CNTN4: variants seen among roughly 807,000 people sequenced by gnomAD.
The protein encoded by CNTN4 is contactin 4.
CNTN4 carries 77 observed loss-of-function variants against 122.5 expected under a neutral mutation model. The ratio of observed to expected loss-of-function variants is 0.63; its 90% confidence interval spans 0.52 to 0.76. The LOEUF (loss-of-function observed/expected upper bound fraction) is 0.76, where lower values mean the gene tolerates loss of function less well. Among genes scored for constraint, CNTN4 ranks in the 30% least tolerant of loss-of-function variants. The probability of loss-of-function intolerance (pLI) is 0.00; values close to 1 mark genes in which losing one functional copy is unlikely to be tolerated. For synonymous variants in CNTN4, 512 were observed against 447.0 expected (o/e 1.15, Z -1.83); for missense variants, 1,256 against 1,259.1 (o/e 1.00, Z 0.04).
intron 13 of CNTN4, among the ~76,000 whole-genome samples, chr3:2,932,618 C>A (rs899875980): frequency 2.0e-5 from 3 of 151,996 alleles, no homozygotes; most frequent in African/African-American, 7.2e-5. Flanking sequence ...AAGTCTTAAT[C>A]GGTAGAGGTT....
chr3:2,406,126 C>CA (rs943170896), intron 3 of CNTN4, among the ~76,000 whole-genome samples: 1 of 151,482 alleles, frequency 6.6e-6, no homozygotes, highest in Non-Finnish European at 1.5e-5. Flanking sequence ...GATGAAAGTT[C>CA]AAAAAAAACA....
At chr3:2,523,371 AAC>A (rs71863552) in intron 3 of CNTN4, among the ~76,000 whole-genome samples, 26,759 of 150,412 alleles carry the variant, frequency 0.18, 2,832 homozygotes, top group Middle Eastern at 0.25. Flanking sequence ...AAAAAAAAAA[AAC>A]AAAACTTTTT....
At chr3:2,559,806 T>C (rs1277913183) in intron 3 of CNTN4, among the ~76,000 whole-genome samples, 1 of 152,184 alleles carries the variant, frequency 6.6e-6, no homozygotes, top group Non-Finnish European at 1.5e-5. Flanking sequence ...ATGATGATAC[T>C]GAGGTGTACT....
At chr3:2,173,969 G>A (rs1398634058) in intron 2 of CNTN4, among the ~76,000 whole-genome samples, 1 of 152,146 alleles carries the variant, frequency 6.6e-6, no homozygotes, top group African/African-American at 2.4e-5. Context: ...CAGGCTGTGA[G>A]AGTCAACTAG....
At chr3:2,520,931 C>G (rs2077189179) in intron 3 of CNTN4, among the ~76,000 whole-genome samples, 1 of 152,026 alleles carries the variant, frequency 6.6e-6, no homozygotes. Flanking sequence ...TTCTAGAGTT[C>G]AGAGATAGAA....
intron 12 of CNTN4, among the ~76,000 whole-genome samples, chr3:2,924,581 G>A (rs190082477): frequency 4.2e-4 from 64 of 152,170 alleles, no homozygotes; most frequent in Non-Finnish European, 7.5e-4. Context: ...ACTTTTGTGC[G>A]AATACAAATA....
chr3:2,911,235 A>G (rs2094296140), intron 12 of CNTN4, among the ~76,000 whole-genome samples: 1 of 152,152 alleles, frequency 6.6e-6, no homozygotes, highest in Non-Finnish European at 1.5e-5. Context: ...ATCAGGCTGT[A>G]CCACAGACAC....
At chr3:2,136,625 C>T (rs779947321) in intron 2 of CNTN4, among the ~76,000 whole-genome samples, 11 of 151,138 alleles carry the variant, frequency 7.3e-5, no homozygotes, top group Non-Finnish European at 1.3e-4. Flanking sequence ...TGAGAAGCGA[C>T]GTGGTAATTG....
intron 13 of CNTN4, among the ~76,000 whole-genome samples, chr3:2,974,601 A>C (rs934461832): frequency 1.3e-5 from 2 of 152,172 alleles, no homozygotes; most frequent in African/African-American, 4.8e-5. Flanking sequence ...TAGTACATCA[A>C]TGTGGCCGAA....
At chr3:3,051,700 C>T (rs543781166) in intron 23 of CNTN4, among the ~76,000 whole-genome samples, 1 of 152,256 alleles carries the variant, frequency 6.6e-6, no homozygotes, top group African/African-American at 2.4e-5. Context: ...ATCTTTCTAC[C>T]TTAAGGAAAT....
At chr3:2,344,482 G>A (rs1025677380) in intron 3 of CNTN4, among the ~76,000 whole-genome samples, 3 of 151,956 alleles carry the variant, frequency 2.0e-5, no homozygotes, top group African/African-American at 7.3e-5. Context: ...GTTTCACTAT[G>A]TTGGCCAGGC....
intron 4 of CNTN4, among the ~76,000 whole-genome samples, chr3:2,726,654 G>A (rs1479573919): frequency 6.6e-6 from 1 of 152,168 alleles, no homozygotes; most frequent in African/African-American, 2.4e-5. Context: ...ATTCTCATGA[G>A]TAAACAGTAA....
chr3:2,265,068 G>GC (rs1170221191), intron 2 of CNTN4, among the ~76,000 whole-genome samples: 3 of 151,852 alleles, frequency 2.0e-5, no homozygotes, highest in Non-Finnish European at 4.4e-5. Flanking sequence ...ATGCCTTTGC[G>GC]CCCCCATAGC....
At chr3:2,378,931 A>G (rs1052234587) in intron 3 of CNTN4, among the ~76,000 whole-genome samples, 1 of 152,180 alleles carries the variant, frequency 6.6e-6, no homozygotes, top group Non-Finnish European at 1.5e-5. Context: ...AGAGGATTAT[A>G]CCATAGTTTC....
chr3:2,834,774 T>A (rs562899333), intron 7 of CNTN4, among the ~76,000 whole-genome samples: 1 of 151,290 alleles, frequency 6.6e-6, no homozygotes, highest in African/African-American at 2.4e-5. Flanking sequence ...CAAAATGCAA[T>A]GATACAAAAT....
At position 2,243,531 on chromosome 3, in the gene CNTN4, CA is replaced by C. The variant is rs201921756; in HGVS notation, c.-144-95646del. ...ATTGTTTTGTGATTTTTTTTTAGCT[CA>C]CCAGCTATCATTAGTGTATTTTATG... On this transcript the variant is annotated intron_variant, in intron 2 of 24. Transcript: ENST00000418658. 4.3e-4 allele frequency among the ~76,000 whole-genome samples: 65 copies of C among 151,890 alleles called. No individual in the cohort carries two copies. The East Asian group carries it at 0.011, about 26-fold the overall frequency.
chr3:2,727,603 A>C (rs1343394213), intron 4 of CNTN4, among the ~76,000 whole-genome samples: 1 of 152,174 alleles, frequency 6.6e-6, no homozygotes, highest in Non-Finnish European at 1.5e-5. Flanking sequence ...AGCAATGCAC[A>C]ATTTTTCCCC....
intron 3 of CNTN4, 180 bp from the exon 4 acceptor site, chr3:2,571,236 G>A (rs1205179780): frequency 1.9e-6 from 1 of 514,584 alleles, no homozygotes. Flanking sequence ...ATTATTATCT[G>A]CAAGAAAAAA....
chr3:2,492,913 A>G (rs959351821), intron 3 of CNTN4, among the ~76,000 whole-genome samples: 4 of 152,198 alleles, frequency 2.6e-5, no homozygotes. Context: ...AAGATACCAC[A>G]AAGACTTGAT....
Sources: gnomAD v4.1 joint callset for allele counts (sites outside exome capture counted in the v4.1 genomes callset) on GRCh38, gnomAD v4.1.1 for gene constraint, MANE v1.5 for transcripts, NCBI Gene and HGNC (gene_info 2026-07-23, HGNC 2026-07-21) for gene names.